The following ZCCHC7 variants were observed in gnomAD, a reference collection of about 807,000 sequenced individuals.
ZCCHC7 encodes the protein zinc finger CCHC domain-containing protein 7.
In ZCCHC7, 35 loss-of-function variants were observed where a neutral mutation model predicts 52.0. The observed-to-expected ratio is 0.67, with a 90% CI of 0.51 to 0.89. ZCCHC7 has a LOEUF of 0.89. Ranked by LOEUF, ZCCHC7 falls within the 40% of genes least tolerant of loss-of-function variation. The pLI is 0.00. For synonymous variants in ZCCHC7, 217 were observed against 221.5 expected (o/e 0.98, Z 0.18); for missense variants, 574 against 649.1 (o/e 0.88, Z 1.26).
At chr9:37,130,340 T>C (rs1438967042) in intron 2 of ZCCHC7, among the ~76,000 whole-genome samples, 95 of 128,366 alleles carry the variant, frequency 7.4e-4, no homozygotes, top group Non-Finnish European at 1.2e-3. Flanking sequence ...TCTCCTTTTT[T>C]TTTTTTTTTT....
At chr9:37,314,984 C>T (rs547493212) in intron 5 of ZCCHC7, among the ~76,000 whole-genome samples, 223 of 152,078 alleles carry the variant, frequency 1.5e-3, no homozygotes, top group Non-Finnish European at 2.9e-3. Flanking sequence ...ACCCAATATG[C>T]AGTTATTCAT....
chr9:37,202,071 A>G (rs527363642), intron 2 of ZCCHC7, among the ~76,000 whole-genome samples: 32 of 152,354 alleles, frequency 2.1e-4, no homozygotes, highest in Admixed American at 9.1e-4. Flanking sequence ...TGATCCTCTA[A>G]GCAACTCAGA....
chr9:37,133,781 G>A (rs189116681), intron 2 of ZCCHC7, among the ~76,000 whole-genome samples: 1 of 152,258 alleles, frequency 6.6e-6, no homozygotes, highest in Non-Finnish European at 1.5e-5. Flanking sequence ...TAGAAACGGG[G>A]TTTCACCATG....
intron 6 of ZCCHC7, among the ~76,000 whole-genome samples, chr9:37,343,755 T>C (rs1820782122): frequency 6.6e-6 from 1 of 152,234 alleles, no homozygotes; most frequent in South Asian, 2.1e-4. Context: ...CCTATTTGTT[T>C]GTTGAGCACT....
intron 1 of ZCCHC7, among the ~76,000 whole-genome samples, chr9:37,122,808 G>T (rs1377190863): frequency 6.6e-6 from 1 of 152,168 alleles, no homozygotes; most frequent in Non-Finnish European, 1.5e-5. Context: ...GTGGTGGCGC[G>T]TGCCTGTAAT....
At chr9:37,196,818 T>C (rs1823313013) in intron 2 of ZCCHC7, among the ~76,000 whole-genome samples, 1 of 152,148 alleles carries the variant, frequency 6.6e-6, no homozygotes, top group South Asian at 2.1e-4. Context: ...TAAAAAACCC[T>C]CCCAAAATAT....
chr9:37,183,555 A>G (rs1822482563), intron 2 of ZCCHC7, among the ~76,000 whole-genome samples: 1 of 152,242 alleles, frequency 6.6e-6, no homozygotes, highest in African/African-American at 2.4e-5. Context: ...CATTTGAACC[A>G]TAGCGTTGTT....
intron 5 of ZCCHC7, 117 bp from the exon 6 acceptor site, chr9:37,327,682 G>C (rs1830303892): frequency 1.8e-6 from 2 of 1,091,500 alleles, no homozygotes; most frequent in South Asian, 3.0e-5. Context: ...GACCCTTTCT[G>C]TTAAGCTTCT....
At chr9:37,307,932 C>T (rs961974057) in intron 5 of ZCCHC7, among the ~76,000 whole-genome samples, 3 of 152,098 alleles carry the variant, frequency 2.0e-5, no homozygotes, top group Admixed American at 1.3e-4. Flanking sequence ...ACACTTATGT[C>T]TGGATAAGTA....
chr9:37,320,670 A>T (rs1830013315), intron 5 of ZCCHC7, among the ~76,000 whole-genome samples: 2 of 152,184 alleles, frequency 1.3e-5, no homozygotes, highest in Admixed American at 6.5e-5. Flanking sequence ...TGTGTATTTA[A>T]GTTGTAAGTA....
At chr9:37,187,701 G>A (rs1420445797) in intron 2 of ZCCHC7, among the ~76,000 whole-genome samples, 1 of 152,244 alleles carries the variant, frequency 6.6e-6, no homozygotes, top group Non-Finnish European at 1.5e-5. Context: ...AGAATTCACA[G>A]AATTACCCTT....
At chr9:37,195,455 G>A (rs1250169423) in intron 2 of ZCCHC7, among the ~76,000 whole-genome samples, 1 of 152,056 alleles carries the variant, frequency 6.6e-6, no homozygotes, top group Non-Finnish European at 1.5e-5. Context: ...CTGCTCATTA[G>A]CAATGTTTGT....
intron 2 of ZCCHC7, among the ~76,000 whole-genome samples, chr9:37,151,912 G>A (rs1489312313): frequency 6.6e-6 from 1 of 152,036 alleles, no homozygotes; most frequent in Non-Finnish European, 1.5e-5. Flanking sequence ...ATACTTTCTG[G>A]TAGCTCAGTG....
In ZCCHC7 at chr9:37,264,503, C is replaced by A. The variant is rs1827010467; in HGVS notation, c.611-37685C>A. Among the ~76,000 whole-genome samples the A allele has an allele frequency of 4.0e-5, 6 of 151,862 alleles. No homozygotes were observed. In the South Asian group the frequency reaches 1.2e-3, roughly 32 times the overall value. On this transcript the variant is annotated intron_variant, in intron 2 of 8. Transcript: ENST00000336755. Reference sequence around the variant, plus strand: ...AGAGAATTGTGTAACTTTTATGTATCCCACTGCCTTTTTTATTGTGTATTG... The same window carrying A: ...AGAGAATTGTGTAACTTTTATGTATACCACTGCCTTTTTTATTGTGTATTG...
rs986044297 is a variant in ZCCHC7, at chr9:37,186,799, G to A, written c.610+59857G>A. The A allele has an allele frequency of 3.2e-5, 14 of 440,804 alleles. 1 individual carries two copies. Among genetic ancestry groups the A allele is most frequent in the Middle Eastern group, 6.1e-4 (2 of 3,286 alleles). The allele number at this position is 440,804 out of a possible 1,614,324, so 27.3% of individuals were successfully genotyped here. ...GGTTAGGTTTTAATTAATACATGGG[G>A]GATGATTTTGGCACTTTTTCAAAGA... On this transcript the variant is annotated intron_variant, in intron 2 of 8. Coordinates refer to ENST00000336755, the MANE Select transcript of ZCCHC7 (RefSeq NM_032226.3).
chr9:37,244,075 C>T (rs1388769566), intron 2 of ZCCHC7, among the ~76,000 whole-genome samples: 1 of 151,352 alleles, frequency 6.6e-6, no homozygotes, highest in South Asian at 2.1e-4. Context: ...TTATTGTCTC[C>T]TAGTGGTCCT....
chr9:37,296,733 C>T (rs532439522), intron 2 of ZCCHC7, among the ~76,000 whole-genome samples: 3 of 152,202 alleles, frequency 2.0e-5, no homozygotes, highest in Admixed American at 6.5e-5. Context: ...GGTTGTCATG[C>T]GCTGTCATCC....
rs1402574069 is a variant in ZCCHC7 at position 37,357,621 on chromosome 9, C to T, written c.*353C>T. The T allele has an allele frequency of 3.1e-5, 5 of 159,702 alleles. No homozygotes were observed. Among genetic ancestry groups the T allele is most frequent in the Admixed American group, 1.9e-4 (3 of 15,524 alleles). 9.9% of individuals were successfully genotyped at this position (159,702 alleles called of 1,614,324 possible). A position where few individuals can be genotyped will look rare whatever the true frequency, so the allele number is the denominator to read the frequency against. On this transcript the variant is annotated 3_prime_UTR_variant, in exon 9 of 9. Coordinates refer to ENST00000336755, the MANE Select transcript of ZCCHC7 (RefSeq NM_032226.3). ...AAGGTAATTTATCCTCAAATTAAATCCTTGCAGGAAGAGAAATTAACACTA... is the reference window on the plus strand; with the variant it reads ...AAGGTAATTTATCCTCAAATTAAATTCTTGCAGGAAGAGAAATTAACACTA...
At chr9:37,303,733 G>A (rs113380075) in intron 3 of ZCCHC7, among the ~76,000 whole-genome samples, 19,746 of 132,334 alleles carry the variant, frequency 0.15, 1,626 homozygotes, top group Admixed American at 0.18. Flanking sequence ...GCACAATCTC[G>A]GCTCACCACA....
Sources: allele counts gnomAD v4.1 joint callset (sites outside exome capture counted in the v4.1 genomes callset), GRCh38; gene constraint gnomAD v4.1.1; transcripts MANE v1.5; gene names NCBI Gene and HGNC (gene_info 2026-07-23, HGNC 2026-07-21).